Variants in SRGAP3 observed in about 807,000 individuals in gnomAD.
SRGAP3 encodes the protein SLIT-ROBO Rho GTPase activating protein 3, also known as SLIT-ROBO Rho GTPase-activating protein 3.
SRGAP3 carries 39 observed loss-of-function variants against 121.1 expected under a neutral mutation model. The observed-to-expected ratio is 0.32, with a 90% CI of 0.25 to 0.42. SRGAP3 has a LOEUF of 0.42. Ranked by LOEUF, SRGAP3 falls within the 10% of genes least tolerant of loss-of-function variation. SRGAP3 has a pLI of 1.00. For missense variants in SRGAP3, 1,213 were observed against 1,470.6 expected (o/e 0.82, Z 2.86); for synonymous variants, 601 against 570.0 (o/e 1.05, Z -0.77).
chr3:9,279,509 AT>A (rs34338068), intron 3 of SRGAP3, among the ~76,000 whole-genome samples: 15,707 of 117,916 alleles, frequency 0.13, 711 homozygotes, highest in Non-Finnish European at 0.15. Flanking sequence ...GAATACCCTG[AT>A]TTTTTTTTTT....
chr3:9,042,870 C>A (rs1945087204), intron 10 of SRGAP3, among the ~76,000 whole-genome samples: 1 of 152,170 alleles, frequency 6.6e-6, no homozygotes, highest in African/African-American at 2.4e-5. Context: ...TCTGTGTACT[C>A]AACAAGTTAC....
At chr3:9,095,605 G>C (rs1947935145) in intron 3 of SRGAP3, among the ~76,000 whole-genome samples, 1 of 152,184 alleles carries the variant, frequency 6.6e-6, no homozygotes, top group Non-Finnish European at 1.5e-5. Flanking sequence ...CCTTTGATCT[G>C]TAATGCACCA....
intron 3 of SRGAP3, among the ~76,000 whole-genome samples, chr3:9,269,864 C>G (rs139288374): frequency 0.01 from 1,537 of 146,980 alleles, 14 homozygotes; most frequent in African/African-American, 0.025. Context: ...AAAAATGTGG[C>G]AAGGAAGGAA....
chr3:9,060,284 T>A lies in SRGAP3; in HGVS notation c.748A>T (p.Thr250Ser), dbSNP rs1560039753. 6.2e-7 allele frequency: 1 copy of A among 1,614,232 alleles called. No individual in the cohort carries two copies. The highest frequency in any genetic ancestry group is 8.5e-7 in the Non-Finnish European group (1 of 1,180,034). The change falls in exon 6 of 22, where the codon ACC becomes TCC. Residue 250 changes from threonine (T) to serine (S), a missense_variant. Coordinates refer to ENST00000383836, the MANE Select transcript of SRGAP3 (RefSeq NM_014850.4). Reference sequence around the variant, plus strand: ...TAGTATTTGCTTATAGCTGCGTTGGTGGCTGCCAGATTGAGCAAGTAGTCA... The same window carrying A: ...TAGTATTTGCTTATAGCTGCGTTGGAGGCTGCCAGATTGAGCAAGTAGTCA... ...RNDYLLNLAA[T>S]NAAISKYYIH...
At chr3:9,319,421 A>G (rs1955404553) in intron 3 of SRGAP3, among the ~76,000 whole-genome samples, 1 of 151,962 alleles carries the variant, frequency 6.6e-6, no homozygotes, top group South Asian at 2.1e-4. Flanking sequence ...GACACAAGGC[A>G]TAGAAATCAG....
chr3:9,025,303 A>G lies in SRGAP3; in HGVS notation c.1636T>C (p.Ser546Pro). 6.2e-7 allele frequency: 1 copy of G among 1,614,156 alleles called. No homozygotes were observed. The highest frequency in any genetic ancestry group is 8.5e-7 in the Non-Finnish European group (1 of 1,180,032). ...TTGATGTCATTGACTTCCACCTGAG[A>G]TCCTGGCACTCTGAAGATCCCCTGC... ...QQQGIFRVPGSQVEVNDIKNS... is the reference protein window; with the variant it reads ...QQQGIFRVPGPQVEVNDIKNS... The change falls in exon 14 of 22, where the codon TCT (serine) becomes CCT (proline). Residue 546 changes from serine to proline, a missense_variant. By Grantham distance (74) the Ser-to-Pro change is moderately conservative (BLOSUM62 -1). Around this residue, in one of 2 missense-constraint regions of SRGAP3, gnomAD observed 793 missense variants for 1,032.9 expected, o/e 0.77. Transcript: ENST00000383836.
chr3:9,339,247 T>C (rs1030955113), intron 1 of SRGAP3, among the ~76,000 whole-genome samples: 2 of 152,242 alleles, frequency 1.3e-5, no homozygotes, highest in African/African-American at 2.4e-5. Context: ...CATTCATACA[T>C]ACCTTCATTC....
At chr3:9,311,902 G>C (rs1049857311) in intron 3 of SRGAP3, among the ~76,000 whole-genome samples, 28 of 152,212 alleles carry the variant, frequency 1.8e-4, no homozygotes, top group African/African-American at 6.3e-4. Context: ...TGATAGGATT[G>C]AACAGAAAGT....
intron 1 of SRGAP3, among the ~76,000 whole-genome samples, chr3:9,156,605 C>A (rs1950424593): frequency 6.6e-6 from 1 of 152,216 alleles, no homozygotes; most frequent in African/African-American, 2.4e-5. Flanking sequence ...CCCCAAATTT[C>A]AAGTAATAAG....
intron 1 of SRGAP3, among the ~76,000 whole-genome samples, chr3:9,345,969 C>T (rs1202916563): frequency 6.6e-6 from 1 of 152,094 alleles, no homozygotes; most frequent in African/African-American, 2.4e-5. Context: ...ATTCTTACAG[C>T]AAATGCCAGC....
At chr3:9,354,729 G>A (rs1214856503) in intron 1 of SRGAP3, among the ~76,000 whole-genome samples, 4 of 150,666 alleles carry the variant, frequency 2.7e-5, no homozygotes, top group Non-Finnish European at 4.4e-5. Context: ...AAGACATTAA[G>A]GTAAAAAAGA....
chr3:9,017,265 T>G (rs1441043105), intron 14 of SRGAP3, among the ~76,000 whole-genome samples: 1 of 152,224 alleles, frequency 6.6e-6, no homozygotes, highest in Non-Finnish European at 1.5e-5. Context: ...ATGTTTCTTA[T>G]TCATACAATA....
At position 9,053,092 on chromosome 3, in the gene SRGAP3, T is replaced by C; in HGVS notation, c.1258A>G (p.Met420Val). The change falls in exon 9 of 22, where the codon ATG (methionine) becomes GTG (valine). Residue 420 changes from methionine to valine, a missense_variant. By Grantham distance (21) the Met-to-Val change is conservative (BLOSUM62 1). Around this residue, in one of 2 missense-constraint regions of SRGAP3, gnomAD observed 793 missense variants for 1,032.9 expected, o/e 0.77. Coordinates refer to ENST00000383836, the MANE Select transcript of SRGAP3 (RefSeq NM_014850.4). ...CTCTTGGCAATGTTGATCTTGCTCA[T>C]GTAGGTCTCAGAGGCAGCCGACTTG... ...SVKSAASETY[M>V]SKINIAKRRA... 2 of 1,614,210 alleles carry C rather than the reference T, an allele frequency of 1.2e-6. No individual in the cohort carries two copies. Among genetic ancestry groups the C allele is most frequent in the Non-Finnish European group, 1.7e-6 (2 of 1,180,030 alleles).
At chr3:9,138,236 C>G (rs1949731499) in intron 1 of SRGAP3, among the ~76,000 whole-genome samples, 1 of 152,196 alleles carries the variant, frequency 6.6e-6, no homozygotes, top group Non-Finnish European at 1.5e-5. Context: ...TTTAAATCAT[C>G]TTACTTTTTA....
At chr3:9,337,482 T>A (rs1388198750) in intron 1 of SRGAP3, 1 of 152,188 alleles carries the variant, frequency 6.6e-6, no homozygotes, top group African/African-American at 2.4e-5. Context: ...AACAGGTGAT[T>A]AGAGAATCCC....
At chr3:9,311,275 G>A (rs1028356496) in intron 3 of SRGAP3, among the ~76,000 whole-genome samples, 40 of 152,190 alleles carry the variant, frequency 2.6e-4, no homozygotes, top group African/African-American at 9.2e-4. Context: ...GAAGATAATC[G>A]CGAAGAGGCA....
chr3:9,337,470 T>C (rs1431575932), intron 1 of SRGAP3: 2 of 152,174 alleles, frequency 1.3e-5, no homozygotes, highest in Admixed American at 6.5e-5. Flanking sequence ...GGTAGGATGA[T>C]AAACAGGTGA....
At chr3:9,292,248 GT>G (rs561471259) in intron 3 of SRGAP3, among the ~76,000 whole-genome samples, 24 of 152,340 alleles carry the variant, frequency 1.6e-4, no homozygotes, top group Non-Finnish European at 3.2e-4. Context: ...CATCCTTTGA[GT>G]TTCTGACTCA....
intron 1 of SRGAP3, among the ~76,000 whole-genome samples, chr3:9,360,448 T>C (rs2030736652): frequency 6.6e-6 from 1 of 152,222 alleles, no homozygotes. Context: ...GTGGAATTGG[T>C]GAGTAATGTG....
Sources: allele counts gnomAD v4.1 joint callset (sites outside exome capture counted in the v4.1 genomes callset), GRCh38; gene constraint gnomAD v4.1.1; regional missense constraint gnomAD v4.1.1; transcripts MANE v1.5; gene names NCBI Gene and HGNC (gene_info 2026-07-23, HGNC 2026-07-21).